The following MYO16 variants were observed in gnomAD, a reference collection of about 807,000 sequenced individuals.
The protein encoded by MYO16 is myosin XVI, also known as unconventional myosin-XVI.
Under a neutral mutation model 205.3 loss-of-function variants are expected in MYO16, and 94 were observed. The observed-to-expected ratio is 0.46, with a 90% CI of 0.39 to 0.54. The LOEUF is 0.54. Among genes scored for constraint, MYO16 ranks in the 20% least tolerant of loss-of-function variants. MYO16 has a pLI of 0.00. For synonymous variants in MYO16, 988 were observed against 954.0 expected (o/e 1.04, Z -0.66); for missense variants, 2,315 against 2,387.5 (o/e 0.97, Z 0.63).
At chr13:108,637,584 T>C (rs1880313458) in intron 1 of MYO16, among the ~76,000 whole-genome samples, 1 of 152,160 alleles carries the variant, frequency 6.6e-6, no homozygotes, top group African/African-American at 2.4e-5. Flanking sequence ...GGGCTAAAGA[T>C]ATAAAGATGG....
chr13:108,884,208 G>C (rs1298123141), intron 13 of MYO16, among the ~76,000 whole-genome samples: 2 of 152,122 alleles, frequency 1.3e-5, no homozygotes, highest in Non-Finnish European at 2.9e-5. Flanking sequence ...GAATTCAAAA[G>C]GCTTATTTAA....
the MYO16 span, among the ~76,000 whole-genome samples, chr13:108,546,333 T>A: frequency 6.6e-6 from 1 of 152,166 alleles, no homozygotes; most frequent in South Asian, 2.1e-4. Flanking sequence ...AGGGAGCTTT[T>A]CTGAAAATAG....
chr13:108,589,526 A>C, the MYO16 span, among the ~76,000 whole-genome samples: 1 of 152,218 alleles, frequency 6.6e-6, no homozygotes, highest in African/African-American at 2.4e-5. Flanking sequence ...GTCAGTAATC[A>C]CTGTCACAAA....
intron 9 of MYO16, among the ~76,000 whole-genome samples, chr13:108,823,755 CAA>C (rs1404867266): frequency 6.6e-6 from 1 of 151,200 alleles, no homozygotes; most frequent in Non-Finnish European, 1.5e-5. Flanking sequence ...AAAAGGGACA[CAA>C]AGTGTGATTA....
At chr13:108,998,204 G>A (rs931821442) in intron 21 of MYO16, among the ~76,000 whole-genome samples, 43 of 152,164 alleles carry the variant, frequency 2.8e-4, no homozygotes, top group African/African-American at 1.0e-3. Flanking sequence ...CTCTTCACAT[G>A]CGTTATCACA....
At chr13:109,173,505 C>T (rs1405617804) in intron 33 of MYO16, among the ~76,000 whole-genome samples, 2 of 151,978 alleles carry the variant, frequency 1.3e-5, no homozygotes, top group African/African-American at 2.4e-5. Flanking sequence ...TGTATTGTGG[C>T]AGAAATGTGA....
intron 1 of MYO16, among the ~76,000 whole-genome samples, chr13:108,610,150 T>C (rs1333250834): frequency 6.6e-6 from 1 of 152,122 alleles, no homozygotes; most frequent in Non-Finnish European, 1.5e-5. Flanking sequence ...TGTTTGTCCA[T>C]CTGTAAAATG....
intron 16 of MYO16, among the ~76,000 whole-genome samples, chr13:108,956,356 C>T (rs773206570): frequency 4.6e-5 from 7 of 152,084 alleles, no homozygotes; most frequent in Non-Finnish European, 8.8e-5. Context: ...TTCACCACTG[C>T]TGGCCTCTCA....
At chr13:108,897,946 G>A (rs138524286) in intron 14 of MYO16, 70 bp from the exon 15 acceptor site, 105 of 1,183,524 alleles carry the variant, frequency 8.9e-5, no homozygotes, top group Middle Eastern at 3.9e-4. Context: ...TCACTGCATC[G>A]TCGCTATTAC....
At chr13:109,151,769 A>C (rs1877682093) in intron 32 of MYO16, among the ~76,000 whole-genome samples, 1 of 152,224 alleles carries the variant, frequency 6.6e-6, no homozygotes, top group Non-Finnish European at 1.5e-5. Context: ...AGTAAGTGAA[A>C]ATGAGAAGAC....
rs1297195692 is a variant in MYO16 at position 109,022,395 on chromosome 13, ATGTATATATGTATATAT to A, written c.2796+2493_2796+2509del. On this transcript the variant is annotated intron_variant, in intron 23 of 34. Transcript: ENST00000457511. ...GTATTATATATACAAATATACATAT[ATGTATATATGTATATAT>A]TGTATATACAAATATAAACATATGT... Among the ~76,000 whole-genome samples the A allele has an allele frequency of 6.6e-3, 42 of 6,360 alleles. 1 individual carries two copies. The highest frequency in any genetic ancestry group is 0.17 in the East Asian group (1 of 6). 4.2% of individuals were successfully genotyped at this position (6,360 alleles called of 152,430 possible). A position where few individuals can be genotyped will look rare whatever the true frequency, so the allele number is the denominator to read the frequency against.
chr13:108,801,223 T>C (rs768098666), intron 6 of MYO16, among the ~76,000 whole-genome samples: 4 of 152,216 alleles, frequency 2.6e-5, no homozygotes, highest in African/African-American at 7.2e-5. Context: ...AACTAGCCTA[T>C]GTATATGAAA....
chr13:108,560,768 T>C, the MYO16 span, among the ~76,000 whole-genome samples: 1 of 152,200 alleles, frequency 6.6e-6, no homozygotes, highest in Non-Finnish European at 1.5e-5. Context: ...CATTTATAAA[T>C]TACATTTTGC....
intron 20 of MYO16, among the ~76,000 whole-genome samples, chr13:108,977,999 A>G (rs1884325559): frequency 6.6e-6 from 1 of 152,020 alleles, no homozygotes; most frequent in Non-Finnish European, 1.5e-5. Context: ...TTCCTTAAAT[A>G]ATATTTGATT....
the MYO16 span, among the ~76,000 whole-genome samples, chr13:108,584,692 A>G: frequency 2.0e-5 from 3 of 151,918 alleles, no homozygotes; most frequent in Non-Finnish European, 2.9e-5. Flanking sequence ...ACCCTTTTTT[A>G]GCTCCCACAT....
At chr13:108,959,075 G>A (rs1011332202) in intron 17 of MYO16, among the ~76,000 whole-genome samples, 10 of 152,190 alleles carry the variant, frequency 6.6e-5, no homozygotes, top group Admixed American at 1.3e-4. Flanking sequence ...AGGAGGAAGG[G>A]GAAGGAAGTG....
At chr13:108,659,089 C>T (rs1881375894) in intron 1 of MYO16, among the ~76,000 whole-genome samples, 1 of 150,838 alleles carries the variant, frequency 6.6e-6, no homozygotes, top group Non-Finnish European at 1.5e-5. Flanking sequence ...TTTTCCTCTT[C>T]ACTTTACTCT....
At chr13:108,941,924 C>T (rs1055828699) in intron 16 of MYO16, among the ~76,000 whole-genome samples, 60 of 152,082 alleles carry the variant, frequency 3.9e-4, no homozygotes, top group African/African-American at 1.4e-3. Context: ...CATTATACTC[C>T]TTGACTCAAA....
intron 20 of MYO16, among the ~76,000 whole-genome samples, chr13:108,968,932 A>G (rs918083107): frequency 2.0e-5 from 3 of 152,210 alleles, no homozygotes; most frequent in Non-Finnish European, 4.4e-5. Context: ...TCCAGAAGCC[A>G]AGAGACTTAC....
Sources: gnomAD v4.1 joint callset for allele counts (sites outside exome capture counted in the v4.1 genomes callset) on GRCh38, gnomAD v4.1.1 for gene constraint, MANE v1.5 for transcripts, NCBI Gene and HGNC (gene_info 2026-07-23, HGNC 2026-07-21) for gene names.